The following USP25 variants were observed in gnomAD, a reference collection of about 807,000 sequenced individuals.
USP25 encodes ubiquitin carboxyl-terminal hydrolase 25.
In USP25, 85 loss-of-function variants were observed where a neutral mutation model predicts 158.5. The ratio of observed to expected loss-of-function variants is 0.54; its 90% CI spans 0.45 to 0.64. The LOEUF is 0.64. Ranked by LOEUF, USP25 falls within the 30% of genes least tolerant of loss-of-function variation. USP25 has a pLI of 0.00. For missense variants in USP25, 1,242 were observed against 1,327.3 expected (o/e 0.94, Z 1.00); for synonymous variants, 464 against 460.4 (o/e 1.01, Z -0.10).
At chr21:15,795,216 A>G (rs897599862) in intron 5 of USP25, among the ~76,000 whole-genome samples, 7 of 151,518 alleles carry the variant, frequency 4.6e-5, no homozygotes, top group African/African-American at 1.2e-4. Flanking sequence ...ATCTCTCAAC[A>G]TGGTTATAAT....
Position 15,818,758 on chromosome 21 carries a change from A to G in USP25, c.992A>G (p.Lys331Arg), listed in dbSNP as rs1265678892. The change falls in exon 10 of 26, where the codon AAA becomes AGA. Residue 331 changes from lysine to arginine, a missense_variant. Physicochemically the swap from Lys to Arg is conservative, Grantham distance 26 (BLOSUM62 2). This residue lies in a region of USP25 where 627 missense variants were observed against 701.4 expected (regional missense o/e 0.89). Coordinates refer to ENST00000400183, the MANE Select transcript of USP25 (RefSeq NM_001283041.3). Reference sequence around the variant, plus strand: ...TACCCACTTCAGGTCAATGGGTTCAAAGATCTGCATGAGTGCCTAGAAGCT... The same window carrying G: ...TACCCACTTCAGGTCAATGGGTTCAGAGATCTGCATGAGTGCCTAGAAGCT... ...GQYPLQVNGF[K>R]DLHECLEAAM... The G allele has an allele frequency of 6.2e-7, 1 of 1,613,952 alleles. No homozygotes were observed. Among genetic ancestry groups the G allele is most frequent in the East Asian group, 2.2e-5 (1 of 44,848 alleles).
rs115889798 is a variant in USP25, at chr21:15,761,634, C to T, written c.46-1257C>T. 1.4e-3 allele frequency among the ~76,000 whole-genome samples: 218 copies of T among 152,336 alleles called. 3 individuals carry two copies. Among genetic ancestry groups the T allele is most frequent in the African/African-American group, 4.8e-3 (199 of 41,576 alleles). ...AATTTCAGTAAACACACTGTGCGTG[C>T]AGCCCCTCCCCAGTGCTGGCAGGCC... is the stretch of plus-strand genomic sequence containing the variant. On this transcript the variant is annotated intron_variant, in intron 1 of 25. Transcript: ENST00000400183.
rs1450913809 is a variant in USP25, at chr21:15,846,136, A to G, written c.2338-1527A>G. 2.7e-3 allele frequency among the ~76,000 whole-genome samples: 118 copies of G among 43,080 alleles called. 2 individuals carry two copies. In the East Asian group the frequency reaches 0.036, roughly 13 times the overall value. The allele number at this position is 43,080 out of a possible 152,430, so 28.3% of individuals were successfully genotyped here. A position where few individuals can be genotyped will look rare whatever the true frequency, so the allele number is the denominator to read the frequency against. ...TGTGTGTGTGTGTATATATATATAT[A>G]TATATATATATATATATATATATTT... On this transcript the variant is annotated intron_variant, in intron 18 of 25. Transcript: ENST00000400183.
chr21:15,804,332 G>T (rs544201643), intron 6 of USP25, among the ~76,000 whole-genome samples: 1 of 151,122 alleles, frequency 6.6e-6, no homozygotes, highest in African/African-American at 2.4e-5. Context: ...TATTAGGAGG[G>T]TGATATATTA....
intron 11 of USP25, 81 bp downstream of exon 11, chr21:15,824,247 A>G (rs1191109829): frequency 1.3e-6 from 2 of 1,520,142 alleles, no homozygotes; most frequent in Non-Finnish European, 8.8e-7. Context: ...AATTCTGCAT[A>G]ATTTTCTTAG....
At chr21:15,841,785 A>C (rs893584938) in intron 17 of USP25, among the ~76,000 whole-genome samples, 1 of 152,106 alleles carries the variant, frequency 6.6e-6, no homozygotes, top group African/African-American at 2.4e-5. Flanking sequence ...TCATGTAAGG[A>C]TTTTGGGCTT....
chr21:15,824,554 CT>C (rs879590589), intron 11 of USP25, among the ~76,000 whole-genome samples: 10 of 151,748 alleles, frequency 6.6e-5, no homozygotes, highest in Non-Finnish European at 1.2e-4. Flanking sequence ...TTCTGTCTTC[CT>C]GTTTTCCTGT....
chr21:15,775,064 G>A (rs1237089779), intron 3 of USP25, among the ~76,000 whole-genome samples: 4 of 152,176 alleles, frequency 2.6e-5, no homozygotes, highest in Non-Finnish European at 4.4e-5. Flanking sequence ...GGATTTAAGA[G>A]TTAGAAGACT....
At chr21:15,773,318 G>A (rs1457684061) in intron 3 of USP25, 1 of 152,588 alleles carries the variant, frequency 6.6e-6, no homozygotes, top group East Asian at 1.9e-4. Flanking sequence ...GGCAAGGAAG[G>A]TAATGTGAAT....
rs554617065 is a variant in USP25 at position 15,811,025 on chromosome 21, G to A, written c.858-112G>A. The A allele has an allele frequency of 5.0e-5, 44 of 881,654 alleles. No individual in the cohort carries two copies. The African/African-American group carries it at 6.0e-4, about 12-fold the overall frequency. The allele number at this position is 881,654 out of a possible 1,614,324, so 54.6% of individuals were successfully genotyped here. A position where few individuals can be genotyped will look rare whatever the true frequency, so the allele number is the denominator to read the frequency against. Reference sequence around the variant, plus strand: ...AAATAACAGAGCTAAATGCAAGTGCGTGATAGCCACATAAGTGTTTTTGTC... The same window carrying A: ...AAATAACAGAGCTAAATGCAAGTGCATGATAGCCACATAAGTGTTTTTGTC... On this transcript the variant is annotated intron_variant, in intron 8 of 25. Transcript: ENST00000400183.
Position 15,877,867 on chromosome 21 carries a change from C to T in USP25, c.3081C>T (p.Ile1027=), listed in dbSNP as rs745687485. The stretch of plus-strand genomic sequence containing the variant: ...GAGAAGTAAACAATGGTTTGATTAT[C>T]ATGAATGAGTTTATTGTCCCATTTT... The part of the protein sequence containing the change: ...EDREVNNGLI[I]MNEFIVPFLP... Residue 1027 remains isoleucine, a synonymous_variant, in exon 25 of 26, where the codon ATC becomes ATT. Transcript: ENST00000400183. 6.8e-6 allele frequency: 11 copies of T among 1,613,034 alleles called. No individual in the cohort carries two copies. In the East Asian group the frequency reaches 2.2e-4, roughly 33 times the overall value.
intron 4 of USP25, among the ~76,000 whole-genome samples, chr21:15,787,043 A>T (rs2035315695): frequency 6.6e-6 from 1 of 152,078 alleles, no homozygotes; most frequent in African/African-American, 2.4e-5. Flanking sequence ...CCTAAGAATA[A>T]ACTTAACCAA....
chr21:15,730,382 GC>G lies in USP25; in HGVS notation c.-10del. The G allele has an allele frequency of 8.1e-7, 1 of 1,241,232 alleles. No individual in the cohort carries two copies. The allele number at this position is 1,241,232 out of a possible 1,614,324, so 76.9% of individuals were successfully genotyped here. On this transcript the variant is annotated 5_prime_UTR_variant, in exon 1 of 26. Coordinates refer to ENST00000400183, the MANE Select transcript of USP25 (RefSeq NM_001283041.3). ...CGCCACCGCCGCCGCCGCCGCCGCC[GC>G]CGCGGGGGCCATGACCGTGGAGCAG...
chr21:15,874,090 A>G (rs913106341), intron 23 of USP25, among the ~76,000 whole-genome samples: 2 of 152,214 alleles, frequency 1.3e-5, no homozygotes, highest in Non-Finnish European at 2.9e-5. Flanking sequence ...TTGAGTTTAA[A>G]TGGAAGACAT....
intron 4 of USP25, among the ~76,000 whole-genome samples, chr21:15,789,800 A>G (rs2092128591): frequency 6.6e-6 from 1 of 152,116 alleles, no homozygotes. Context: ...TTACAAAAGG[A>G]ACAAAATTTT....
In USP25 at chr21:15,875,413, A is replaced by G. The variant is rs1048196828; in HGVS notation, c.3009+887A>G. ...ATTGAAATGAAACCTCGTCAAGATTACTTTAGTGTTCCTTTCAGATTTTTT... is the reference window on the plus strand; with the variant it reads ...ATTGAAATGAAACCTCGTCAAGATTGCTTTAGTGTTCCTTTCAGATTTTTT... On this transcript the variant is annotated intron_variant, in intron 24 of 25. Transcript: ENST00000400183. This position sits in a 1 kb window ranked among gnomAD's most constrained non-coding sequence, Gnocchi z 4.7. Among the ~76,000 whole-genome samples, 15 of 152,144 alleles carry G rather than the reference A, an allele frequency of 9.9e-5. No homozygotes were observed. Among genetic ancestry groups the G allele is most frequent in the African/African-American group, 3.1e-4 (13 of 41,426 alleles).
intron 4 of USP25, among the ~76,000 whole-genome samples, chr21:15,778,465 A>G (rs977137232): frequency 6.6e-6 from 1 of 152,158 alleles, no homozygotes; most frequent in African/African-American, 2.4e-5. Flanking sequence ...TAGCTGATAA[A>G]TAATATAATG....
At chr21:15,786,481 A>G (rs1053973530) in intron 4 of USP25, among the ~76,000 whole-genome samples, 3 of 152,142 alleles carry the variant, frequency 2.0e-5, no homozygotes, top group African/African-American at 7.2e-5. Context: ...AACATACACA[A>G]ATCAATAAAT....
At chr21:15,768,306 G>A (rs1006637254) in intron 3 of USP25, among the ~76,000 whole-genome samples, 3 of 152,110 alleles carry the variant, frequency 2.0e-5, no homozygotes, top group African/African-American at 4.8e-5. Flanking sequence ...ACAGCAAACA[G>A]TTGTAGGAAT....
Sources: allele counts gnomAD v4.1 joint callset (sites outside exome capture counted in the v4.1 genomes callset), GRCh38; gene constraint gnomAD v4.1.1; regional missense constraint gnomAD v4.1.1; non-coding constraint Gnocchi (gnomAD v3.1); transcripts MANE v1.5; gene names NCBI Gene and HGNC (gene_info 2026-07-23, HGNC 2026-07-21).